Variants in ZNF678 observed in about 807,000 individuals in gnomAD.
ZNF678 encodes zinc finger protein 678.
ZNF678 carries 5 observed loss-of-function variants against 3.0 expected under a neutral mutation model. The ratio of observed to expected loss-of-function variants is 1.69; its 90% CI spans 0.88 to 3.56. The LOEUF is 3.56. ZNF678 is among the 30% of genes most tolerant of loss of function. The pLI, the probability that ZNF678 is intolerant of heterozygous loss-of-function variation, is 0.00. For synonymous variants in ZNF678, 218 were observed against 199.6 expected (o/e 1.09, Z -0.78); for missense variants, 593 against 605.0 (o/e 0.98, Z 0.21).
chr1:227,596,338 C>G (rs1657587858), intron 1 of ZNF678, among the ~76,000 whole-genome samples: 1 of 152,194 alleles, frequency 6.6e-6, no homozygotes, highest in Admixed American at 6.5e-5. Context: ...TTTATTCAAC[C>G]AGGAGCATTG....
At chr1:227,587,227 C>G (rs1287327252) in intron 1 of ZNF678, among the ~76,000 whole-genome samples, 2 of 150,516 alleles carry the variant, frequency 1.3e-5, no homozygotes, top group Non-Finnish European at 2.9e-5. Flanking sequence ...TCCCATGCTT[C>G]TTTGGCTAGA....
intron 1 of ZNF678, among the ~76,000 whole-genome samples, chr1:227,619,476 G>A (rs893021729): frequency 6.0e-5 from 9 of 150,986 alleles, no homozygotes; most frequent in African/African-American, 1.9e-4. Flanking sequence ...CTGACTCTGG[G>A]TTGTGTCATA....
At chr1:227,650,738 TGA>T (rs903611533) in intron 2 of ZNF678, among the ~76,000 whole-genome samples, 6 of 152,186 alleles carry the variant, frequency 3.9e-5, no homozygotes, top group Admixed American at 2.6e-4. Context: ...TTACCGTAAA[TGA>T]GTTTTTTTTA....
Position 227,563,675 on chromosome 1 carries a change from C to A in ZNF678, c.-213C>A. ...CTGGTTTCCCTGTGACCTGCAGGTA[C>A]TGGGAGTTACATAGCTAAGATGCCA... is the stretch of plus-strand genomic sequence containing the variant. On this transcript the variant is annotated 5_prime_UTR_variant, in exon 1 of 4. The change creates a new upstream start codon in the 5' untranslated region. Transcript: ENST00000343776. 1 of 1,330,218 alleles carries A rather than the reference C, an allele frequency of 7.5e-7. No individual in the cohort carries two copies. The highest frequency in any genetic ancestry group is 1.0e-6 in the Non-Finnish European group (1 of 1,001,866). 82.4% of individuals were successfully genotyped at this position (1,330,218 alleles called of 1,614,324 possible). A position where few individuals can be genotyped will look rare whatever the true frequency, so the allele number is the denominator to read the frequency against.
At chr1:227,565,054 CTTTTTTTTTT>C (rs56226010) in intron 1 of ZNF678, among the ~76,000 whole-genome samples, 31 of 32,732 alleles carry the variant, frequency 9.5e-4, no homozygotes, top group Admixed American at 3.1e-3. Context: ...CCCTACCCGG[CTTTTTTTTTT>C]TTTTTTTTTT....
intron 1 of ZNF678, among the ~76,000 whole-genome samples, chr1:227,632,370 C>T (rs534380183): frequency 7.9e-5 from 12 of 152,188 alleles, no homozygotes; most frequent in South Asian, 2.1e-4. Context: ...TTTGGGGCTA[C>T]GCTTTCAAGA....
intron 1 of ZNF678, among the ~76,000 whole-genome samples, chr1:227,627,607 A>G (rs1336786434): frequency 6.6e-6 from 1 of 152,150 alleles, no homozygotes; most frequent in Non-Finnish European, 1.5e-5. Flanking sequence ...GAAGTTAGGA[A>G]TTCCCTTTCT....
rs868625806 is a variant in ZNF678 at position 227,590,433 on chromosome 1, A to G, written c.-164+26709A>G. The stretch of plus-strand genomic sequence containing the variant: ...CAGTCAAGGTTTTACCAGTTTTATT[A>G]GTGATAATCTCCAAGACAGCAACTA... On this transcript the variant is annotated intron_variant, in intron 1 of 3. Coordinates refer to ENST00000343776, the MANE Select transcript of ZNF678 (RefSeq NM_001367909.1). 5.3e-5 allele frequency among the ~76,000 whole-genome samples: 8 copies of G among 151,840 alleles called. 1 individual carries two copies. Among genetic ancestry groups the G allele is most frequent in the Middle Eastern group, 6.8e-3 (2 of 292 alleles).
chr1:227,613,796 G>T (rs1354938939), intron 1 of ZNF678, among the ~76,000 whole-genome samples: 1 of 152,100 alleles, frequency 6.6e-6, no homozygotes, highest in Non-Finnish European at 1.5e-5. Context: ...GTCCTCTACT[G>T]TGTGTCCTGT....
At chr1:227,627,147 T>C (rs1658439846) in intron 1 of ZNF678, among the ~76,000 whole-genome samples, 1 of 151,268 alleles carries the variant, frequency 6.6e-6, no homozygotes, top group Non-Finnish European at 1.5e-5. Flanking sequence ...GTCTGCTTGA[T>C]AGTTTTGAAA....
At chr1:227,599,735 A>G (rs895076480) in intron 1 of ZNF678, among the ~76,000 whole-genome samples, 1 of 152,206 alleles carries the variant, frequency 6.6e-6, no homozygotes, top group African/African-American at 2.4e-5. Flanking sequence ...ATTAATAAAC[A>G]CCGTACATGA....
Position 227,660,617 on chromosome 1 carries a change from T to A in ZNF678, c.*4789T>A, listed in dbSNP as rs1372459953. 6.6e-6 allele frequency: 1 copy of A among 152,166 alleles called. No homozygotes were observed. The highest frequency in any genetic ancestry group is 2.4e-5 in the African/African-American group (1 of 41,450). 9.4% of individuals were successfully genotyped at this position (152,166 alleles called of 1,614,324 possible). The stretch of plus-strand genomic sequence containing the variant: ...TTAGTGAATTTATTCTAAGTATTTT[T>A]AAAGTTTTCTATTTATAAGACTATG... On this transcript the variant is annotated 3_prime_UTR_variant, in exon 4 of 4. Coordinates refer to ENST00000343776, the MANE Select transcript of ZNF678 (RefSeq NM_001367909.1).
chr1:227,616,152 C>T (rs1658135944), intron 1 of ZNF678, among the ~76,000 whole-genome samples: 1 of 152,170 alleles, frequency 6.6e-6, no homozygotes, highest in South Asian at 2.1e-4. Flanking sequence ...TTCAGGAACA[C>T]CTGTTTACCT....
chr1:227,674,644 C>T (rs1265688495), intron 5 of ZNF678, among the ~76,000 whole-genome samples: 2 of 148,908 alleles, frequency 1.3e-5, no homozygotes, highest in African/African-American at 5.0e-5. Context: ...CTCTTGTTGC[C>T]CAGCCTGGAG....
chr1:227,577,542 G>C (rs1282198398), intron 1 of ZNF678, among the ~76,000 whole-genome samples: 1 of 152,010 alleles, frequency 6.6e-6, no homozygotes, highest in Non-Finnish European at 1.5e-5. Context: ...GTTTTGTCAG[G>C]AACTAGGATT....
chr1:227,614,597 TC>T (rs1658099184), intron 1 of ZNF678, among the ~76,000 whole-genome samples: 1 of 152,206 alleles, frequency 6.6e-6, no homozygotes, highest in Non-Finnish European at 1.5e-5. Context: ...TCACCTTTTT[TC>T]TTAGCTTTTG....
intron 1 of ZNF678, among the ~76,000 whole-genome samples, chr1:227,570,804 A>G (rs12025942): frequency 0.33 from 49,677 of 152,074 alleles, 9,189 homozygotes; most frequent in Middle Eastern, 0.44. Context: ...TTTAGGTTCA[A>G]ACATTAAGAA....
intron 1 of ZNF678, among the ~76,000 whole-genome samples, chr1:227,585,335 A>G (rs773539333): frequency 6.6e-6 from 1 of 152,226 alleles, no homozygotes; most frequent in Non-Finnish European, 1.5e-5. Flanking sequence ...TTTAGTCCCA[A>G]TTAAGTAGGA....
downstream of ZNF678, among the ~76,000 whole-genome samples, chr1:227,678,918 C>A (rs1459544660): frequency 1.3e-5 from 2 of 152,270 alleles, no homozygotes; most frequent in Non-Finnish European, 2.9e-5. Context: ...TTAATCCTTA[C>A]ATCTCTCATA....
Sources: allele counts gnomAD v4.1 joint callset (sites outside exome capture counted in the v4.1 genomes callset), GRCh38; gene constraint gnomAD v4.1.1; transcripts MANE v1.5; gene names NCBI Gene and HGNC (gene_info 2026-07-23, HGNC 2026-07-21).